The following FBXL2 variants were observed in gnomAD, a reference collection of about 807,000 sequenced individuals.
FBXL2 encodes the protein F-box and leucine rich repeat protein 2, also known as F-box/LRR-repeat protein 2.
A neutral mutation model predicts 69.2 loss-of-function variants in FBXL2; 38 were observed. The observed-to-expected ratio is 0.55, with a 90% CI of 0.42 to 0.72. The LOEUF (loss-of-function observed/expected upper bound fraction) is 0.72. Ranked by LOEUF, FBXL2 falls within the 30% of genes least tolerant of loss-of-function variation. The pLI, the probability that FBXL2 is intolerant of heterozygous loss-of-function variation, is 0.00. For synonymous variants in FBXL2, 192 were observed against 201.3 expected (o/e 0.95, Z 0.39); for missense variants, 354 against 520.3 (o/e 0.68, Z 3.11).
chr3:33,368,287 A>G (rs4387922), intron 5 of FBXL2, among the ~76,000 whole-genome samples: 151,049 of 152,358 alleles, frequency 0.99, 74,883 homozygotes, highest in Middle Eastern at 1. Context: ...CAACTAATAA[A>G]AGGAGTATTG....
chr3:33,313,209 A>G (rs1389165396), intron 2 of FBXL2, among the ~76,000 whole-genome samples: 1 of 152,076 alleles, frequency 6.6e-6, no homozygotes, highest in Non-Finnish European at 1.5e-5. Context: ...CTTGAAAGTC[A>G]CAACCTACCA....
chr3:33,289,167 C>G (rs2034969419), intron 1 of FBXL2, among the ~76,000 whole-genome samples: 1 of 148,842 alleles, frequency 6.7e-6, no homozygotes, highest in Non-Finnish European at 1.5e-5. Flanking sequence ...ATACTAAATA[C>G]TGAGAGGTTA....
chr3:33,355,433 G>T (rs1332601820), intron 2 of FBXL2, among the ~76,000 whole-genome samples: 1 of 152,128 alleles, frequency 6.6e-6, no homozygotes, highest in Non-Finnish European at 1.5e-5. Context: ...TACAAATTCA[G>T]TGCAATCCCA....
At chr3:33,300,865 C>T (rs574545520) in intron 2 of FBXL2, among the ~76,000 whole-genome samples, 149 of 139,204 alleles carry the variant, frequency 1.1e-3, no homozygotes, top group African/African-American at 4.0e-3. Flanking sequence ...CCCGCCACAA[C>T]GCCCAGCTAA....
the FBXL2 span, among the ~76,000 whole-genome samples, chr3:33,418,861 A>C: frequency 2.0e-5 from 1 of 50,952 alleles, no homozygotes; most frequent in African/African-American, 1.6e-4. Flanking sequence ...CTCTGTCTCC[A>C]AAAAAAAAAA....
At chr3:33,298,928 T>G in intron 2 of FBXL2, among the ~76,000 whole-genome samples, 1 of 151,948 alleles carries the variant, frequency 6.6e-6, no homozygotes, top group Non-Finnish European at 1.5e-5. Context: ...CTATAGGACT[T>G]CACAGGGCCT....
At chr3:33,279,681 A>C (rs764056145) in intron 1 of FBXL2, among the ~76,000 whole-genome samples, 18 of 152,330 alleles carry the variant, frequency 1.2e-4, no homozygotes, top group Middle Eastern at 3.4e-3. Flanking sequence ...TTCTCAATGA[A>C]AATTTCTTCA....
At chr3:33,354,860 A>G (rs935644992) in intron 2 of FBXL2, among the ~76,000 whole-genome samples, 5 of 152,238 alleles carry the variant, frequency 3.3e-5, no homozygotes, top group Admixed American at 6.5e-5. Context: ...ATCAGAATGA[A>G]TGGACAAATT....
chr3:33,364,069 T>C (rs1394696968), intron 4 of FBXL2, among the ~76,000 whole-genome samples: 3 of 152,248 alleles, frequency 2.0e-5, no homozygotes, highest in African/African-American at 7.2e-5. Flanking sequence ...TCTTTTTGCT[T>C]CCTCTAATAT....
At chr3:33,314,398 C>T (rs956976371) in intron 2 of FBXL2, among the ~76,000 whole-genome samples, 1 of 152,110 alleles carries the variant, frequency 6.6e-6, no homozygotes, top group Non-Finnish European at 1.5e-5. Context: ...TTACATGCCA[C>T]GTATAAGTGA....
intron 12 of FBXL2, chr3:33,393,298 ATGATT>A: frequency 2.5e-6 from 4 of 1,589,176 alleles, no homozygotes; most frequent in Non-Finnish European, 3.4e-6. Context: ...GGAAAAACAA[ATGATT>A]TGATTTACCT....
intron 2 of FBXL2, among the ~76,000 whole-genome samples, chr3:33,319,033 G>A (rs1234419737): frequency 6.6e-6 from 1 of 152,214 alleles, no homozygotes; most frequent in Non-Finnish European, 1.5e-5. Flanking sequence ...TGTAAAGCAC[G>A]AATCCCAGGC....
At chr3:33,397,582 T>C (rs1156524665) in intron 12 of FBXL2, 1 of 152,600 alleles carries the variant, frequency 6.6e-6, no homozygotes, top group Non-Finnish European at 1.5e-5. Flanking sequence ...GCCTAAAGTC[T>C]GTAAGAGTTG....
chr3:33,335,110 T>TAAG (rs1339257103), intron 2 of FBXL2, among the ~76,000 whole-genome samples: 10 of 149,188 alleles, frequency 6.7e-5, no homozygotes, highest in African/African-American at 2.2e-4. Flanking sequence ...CAAATAATAA[T>TAAG]AATAATAATA....
chr3:33,401,950 T>C (rs1039753023), intron 12 of FBXL2, among the ~76,000 whole-genome samples: 2 of 152,228 alleles, frequency 1.3e-5, no homozygotes, highest in Admixed American at 6.5e-5. Flanking sequence ...TTTTCTACTC[T>C]TAAAGCATAA....
chr3:33,416,801 CG>C, the FBXL2 span: 2 of 1,613,484 alleles, frequency 1.2e-6, no homozygotes, highest in Non-Finnish European at 1.7e-6. Flanking sequence ...ACCCATTTTC[CG>C]ATTATCCAGC....
At chr3:33,383,680 G>A (rs911065681) in intron 13 of FBXL2, 3 of 329,808 alleles carry the variant, frequency 9.1e-6, no homozygotes, top group African/African-American at 6.3e-5. Flanking sequence ...ACAATTAGAA[G>A]AGAGAAGCCA....
chr3:33,376,148 C>A (rs2042621716), intron 10 of FBXL2, among the ~76,000 whole-genome samples: 1 of 144,924 alleles, frequency 6.9e-6, no homozygotes, highest in South Asian at 2.2e-4. Context: ...AAGAGTGAGA[C>A]CCCATCTCAA....
the FBXL2 span, chr3:33,412,927 A>G: frequency 1.4e-6 from 1 of 722,002 alleles, no homozygotes; most frequent in Non-Finnish European, 2.5e-6. Flanking sequence ...AGTAGAACAC[A>G]TACAACTAGA....
Sources: allele counts gnomAD v4.1 joint callset (sites outside exome capture counted in the v4.1 genomes callset), GRCh38; gene constraint gnomAD v4.1.1; transcripts MANE v1.5; gene names NCBI Gene and HGNC (gene_info 2026-07-23, HGNC 2026-07-21).